The following RAB30 variants were observed in gnomAD, a reference collection of about 807,000 sequenced individuals.
The protein encoded by RAB30 is ras-related protein Rab-30.
RAB30 carries 9 observed loss-of-function variants against 25.1 expected under a neutral mutation model. The observed-to-expected ratio is 0.36, with a 90% confidence interval of 0.22 to 0.63. The LOEUF is 0.63. RAB30 is among the 20% of genes least tolerant of loss of function. The pLI is 0.69. For synonymous variants in RAB30, 77 were observed against 86.4 expected, an observed-to-expected ratio of 0.89 and a Z score of 0.60; for missense variants, 140 against 243.5, an observed-to-expected ratio of 0.58 and a Z score of 2.83.
intron 1 of RAB30, among the ~76,000 whole-genome samples, chr11:83,025,232 A>G (rs1590860784): frequency 6.6e-6 from 1 of 152,360 alleles, no homozygotes; most frequent in South Asian, 2.1e-4. Flanking sequence ...AGAAAAAGCA[A>G]TGGAAGATGC....
At chr11:83,065,394 GA>G (rs1409453832) in intron 1 of RAB30, among the ~76,000 whole-genome samples, 2 of 151,954 alleles carry the variant, frequency 1.3e-5, no homozygotes, top group African/African-American at 4.8e-5. Context: ...TGGAAAGAAA[GA>G]GAGAAAGGAA....
chr11:82,994,195 G>T, intron 2 of RAB30, 73 bp from the exon 3 acceptor site: 1 of 1,284,348 alleles, frequency 7.8e-7, no homozygotes, highest in Non-Finnish European at 1.1e-6. Context: ...CTCTCCCCCA[G>T]CAACACCCAT....
intron 1 of RAB30, among the ~76,000 whole-genome samples, chr11:83,035,179 C>T (rs1210275684): frequency 6.6e-6 from 1 of 151,684 alleles, no homozygotes; most frequent in African/African-American, 2.4e-5. Context: ...AGGATTGGAA[C>T]CCAGGTCTAC....
chr11:83,047,366 G>C (rs572103625), intron 1 of RAB30, among the ~76,000 whole-genome samples: 6 of 152,192 alleles, frequency 3.9e-5, no homozygotes, highest in African/African-American at 1.4e-4. Flanking sequence ...TCTAGAAAGA[G>C]CTATCAGAAA....
rs1230813988 is a variant in RAB30 at position 83,062,998 on chromosome 11, G to A, written c.-9+8693C>T. Among the ~76,000 whole-genome samples, 6 of 113,124 alleles carry A rather than the reference G, an allele frequency of 5.3e-5. No homozygotes were observed. The East Asian group carries it at 7.9e-4, about 15-fold the overall frequency. The allele number at this position is 113,124 out of a possible 152,430, so 74.2% of individuals were successfully genotyped here. ...AGCCTGGGTGACAGAGTGGGACTCC[G>A]TCTCAAAAAAAAAAAAAAAAAAGAT... is the stretch of plus-strand genomic sequence containing the variant. On this transcript the variant is annotated intron_variant, in intron 1 of 4. Transcript: ENST00000527633.
At chr11:83,045,460 T>C (rs1234650817) in intron 1 of RAB30, among the ~76,000 whole-genome samples, 1 of 152,150 alleles carries the variant, frequency 6.6e-6, no homozygotes, top group African/African-American at 2.4e-5. Context: ...AAATTGTATA[T>C]GCCAAGCCCA....
chr11:83,066,464 T>C (rs1350442113), intron 1 of RAB30, among the ~76,000 whole-genome samples: 1 of 152,162 alleles, frequency 6.6e-6, no homozygotes, highest in African/African-American at 2.4e-5. Flanking sequence ...ATAAAGGAAG[T>C]TCAGCCCAAA....
rs151028356 is a variant in RAB30, at chr11:82,986,742, A to G, written c.361+845T>C. ...TTTGAGCCGTGGTTTCCTGATCTGT[A>G]AATCAGGGATCATGACACATAAAGT... On this transcript the variant is annotated intron_variant, in intron 4 of 4. Transcript: ENST00000527633. 3.2e-4 allele frequency among the ~76,000 whole-genome samples: 49 copies of G among 152,322 alleles called. 1 individual carries two copies. The highest frequency in any genetic ancestry group is 1.1e-3 in the African/African-American group (45 of 41,572).
chr11:83,071,316 C>G (rs1858841056), intron 1 of RAB30: 1 of 152,242 alleles, frequency 6.6e-6, no homozygotes, highest in Non-Finnish European at 1.5e-5. Context: ...CACGCATCAC[C>G]CCTTCCCACT....
intron 1 of RAB30, among the ~76,000 whole-genome samples, chr11:83,009,305 A>G (rs1590849703): frequency 6.6e-6 from 1 of 152,170 alleles, no homozygotes; most frequent in African/African-American, 2.4e-5. Flanking sequence ...ACCTCAGGCA[A>G]TCCGCCCGCC....
intron 1 of RAB30, among the ~76,000 whole-genome samples, chr11:83,023,136 T>C (rs1459547222): frequency 6.6e-6 from 1 of 152,158 alleles, no homozygotes; most frequent in Admixed American, 6.5e-5. Context: ...GGGGAAAATA[T>C]TCTCAGTTGA....
At chr11:83,025,829 G>A (rs904950182) in intron 1 of RAB30, among the ~76,000 whole-genome samples, 1 of 152,098 alleles carries the variant, frequency 6.6e-6, no homozygotes, top group Non-Finnish European at 1.5e-5. Context: ...AAATTGAAAA[G>A]GAGTTTTCCA....
intron 1 of RAB30, among the ~76,000 whole-genome samples, chr11:83,049,409 CAAAA>C (rs58898867): frequency 9.9e-6 from 1 of 100,912 alleles, no homozygotes. Context: ...GACTCCATAT[CAAAA>C]AAAAAAAAAG....
intron 1 of RAB30, among the ~76,000 whole-genome samples, chr11:83,026,201 CATAGAT>C (rs1351850397): frequency 6.6e-6 from 1 of 151,966 alleles, no homozygotes; most frequent in Admixed American, 6.6e-5. Flanking sequence ...AAAAAAAAGA[CATAGAT>C]ATAGATACAC....
At chr11:83,055,072 C>T (rs922732682) in intron 1 of RAB30, among the ~76,000 whole-genome samples, 2 of 152,154 alleles carry the variant, frequency 1.3e-5, no homozygotes, top group Non-Finnish European at 2.9e-5. Flanking sequence ...CTTGCTCCTG[C>T]CACCTACCCG....
intron 1 of RAB30, among the ~76,000 whole-genome samples, chr11:83,006,791 T>C (rs1407309373): frequency 1.3e-5 from 2 of 152,212 alleles, no homozygotes; most frequent in Non-Finnish European, 2.9e-5. Flanking sequence ...ACCCAGACTC[T>C]GGAGTTGCTT....
intron 1 of RAB30, among the ~76,000 whole-genome samples, chr11:83,038,151 G>A (rs1257221531): frequency 6.6e-6 from 1 of 152,200 alleles, no homozygotes; most frequent in Non-Finnish European, 1.5e-5. Flanking sequence ...CTGGAATTCT[G>A]TGGTTTTAAG....
chr11:83,061,685 TA>T (rs1250689085), intron 1 of RAB30, among the ~76,000 whole-genome samples: 1 of 151,064 alleles, frequency 6.6e-6, no homozygotes, highest in South Asian at 2.1e-4. Context: ...TTTGTTTTTT[TA>T]GGTGGGATTT....
chr11:82,993,012 G>C (rs1856889892), intron 3 of RAB30, among the ~76,000 whole-genome samples: 1 of 152,164 alleles, frequency 6.6e-6, no homozygotes, highest in South Asian at 2.1e-4. Context: ...CCAGGCCTTG[G>C]CTATCACTTC....
Sources: gnomAD v4.1 joint callset for allele counts (sites outside exome capture counted in the v4.1 genomes callset) on GRCh38, gnomAD v4.1.1 for gene constraint, MANE v1.5 for transcripts, NCBI Gene and HGNC (gene_info 2026-07-23, HGNC 2026-07-21) for gene names.